KANK1: variants seen among roughly 807,000 people sequenced by gnomAD.
KANK1 encodes the protein KN motif and ankyrin repeat domain-containing protein 1.
A neutral mutation model predicts 106.2 loss-of-function variants in KANK1; 109 were observed. The ratio of observed to expected loss-of-function variants is 1.03; its 90% confidence interval spans 0.88 to 1.20. The LOEUF (loss-of-function observed/expected upper bound fraction) is 1.20, where lower values mean the gene tolerates loss of function less well. KANK1 is among the 50% of genes most tolerant of loss of function. The pLI is 0.00. For synonymous variants in KANK1, 873 were observed against 652.2 expected (o/e 1.34, Z -5.16); for missense variants, 2,399 against 1,710.7 (o/e 1.40, Z -7.10).
At chr9:741,518 C>CCAGG (rs1835511720) in intron 9 of KANK1, among the ~76,000 whole-genome samples, 1 of 139,244 alleles carries the variant, frequency 7.2e-6, no homozygotes, top group South Asian at 2.4e-4. Context: ...GACTAAGTCT[C>CCAGG]ATTCTGTCAC....
rs1002977442 is a variant in KANK1 at position 684,419 on chromosome 9, C to G, written c.37+7410C>G. ...CAAGAAAGAAAGAAAAAAACACATA[C>G]AAAATAAACACCCAACAGGGAGATT... On this transcript the variant is annotated intron_variant, in intron 2 of 11. Coordinates refer to ENST00000382297, the MANE Select transcript of KANK1 (RefSeq NM_015158.5). 11 of 985,224 alleles carry G rather than the reference C, an allele frequency of 1.1e-5. No individual in the cohort carries two copies. The African/African-American group carries it at 1.9e-4, about 17-fold the overall frequency. The allele number at this position is 985,224 out of a possible 1,614,324, so 61.0% of individuals were successfully genotyped here.
At chr9:505,710 C>A (rs929652063) in intron 1 of KANK1, among the ~76,000 whole-genome samples, 2 of 152,212 alleles carry the variant, frequency 1.3e-5, no homozygotes, top group Admixed American at 1.3e-4. Flanking sequence ...GCTTTCCGCA[C>A]GTGGCCTCTG....
chr9:546,157 G>C (rs548194940), intron 1 of KANK1, among the ~76,000 whole-genome samples: 9 of 152,238 alleles, frequency 5.9e-5, no homozygotes, highest in African/African-American at 1.9e-4. Context: ...TGCCACCTTA[G>C]CTGGGTGCAC....
chr9:608,583 GCT>G (rs1359702783), intron 1 of KANK1, among the ~76,000 whole-genome samples: 2 of 149,286 alleles, frequency 1.3e-5, no homozygotes, highest in African/African-American at 2.6e-5. Flanking sequence ...ACAAGAGTGG[GCT>G]CTCTCTCTAG....
At chr9:656,868 C>G (rs918111883) in intron 1 of KANK1, among the ~76,000 whole-genome samples, 1 of 149,854 alleles carries the variant, frequency 6.7e-6, no homozygotes, top group African/African-American at 2.4e-5. Context: ...AATGCTACTT[C>G]TACTTTTTTC....
At chr9:532,184 G>C (rs2060086877) in intron 1 of KANK1, among the ~76,000 whole-genome samples, 1 of 151,644 alleles carries the variant, frequency 6.6e-6, no homozygotes, top group African/African-American at 2.4e-5. Flanking sequence ...GATTTAAAAG[G>C]AGTTTGAGAG....
At chr9:508,307 T>C (rs1224322191) in intron 1 of KANK1, among the ~76,000 whole-genome samples, 1 of 151,748 alleles carries the variant, frequency 6.6e-6, no homozygotes, top group Admixed American at 6.6e-5. Flanking sequence ...CCGGCTAATT[T>C]TGTATGTTTA....
chr9:529,200 C>T (rs1335917784), intron 1 of KANK1, among the ~76,000 whole-genome samples: 1 of 151,862 alleles, frequency 6.6e-6, no homozygotes, highest in Admixed American at 6.6e-5. Flanking sequence ...GGTATTCCTC[C>T]TTCCAGAGAT....
intron 1 of KANK1, among the ~76,000 whole-genome samples, chr9:519,970 A>T (rs2059471150): frequency 1.3e-5 from 2 of 151,782 alleles, no homozygotes. Context: ...CAGTGACTTA[A>T]AACAATACAT....
chr9:527,850 C>T (rs2059866053), intron 1 of KANK1, among the ~76,000 whole-genome samples: 4 of 151,124 alleles, frequency 2.6e-5, no homozygotes, highest in Non-Finnish European at 5.9e-5. Flanking sequence ...CCTCACTTCT[C>T]TTTAAAAGTT....
At chr9:739,888 C>T (rs552068930) in intron 8 of KANK1, among the ~76,000 whole-genome samples, 4 of 152,022 alleles carry the variant, frequency 2.6e-5, no homozygotes, top group Non-Finnish European at 4.4e-5. Flanking sequence ...AGCCCCGAAG[C>T]GCACACGAAT....
chr9:516,207 G>T (rs1394882630), intron 1 of KANK1, among the ~76,000 whole-genome samples: 1 of 151,592 alleles, frequency 6.6e-6, no homozygotes, highest in Non-Finnish European at 1.5e-5. Flanking sequence ...GGTTTTTGGA[G>T]AATTCAGGCT....
Position 694,675 on chromosome 9 carries a change from C to T in KANK1, c.38-16129C>T, listed in dbSNP as rs576383230. 6.6e-5 allele frequency among the ~76,000 whole-genome samples: 10 copies of T among 152,262 alleles called. 1 individual carries two copies. Among genetic ancestry groups the T allele is most frequent in the Middle Eastern group, 6.8e-3 (2 of 294 alleles). On this transcript the variant is annotated intron_variant, in intron 2 of 11. Transcript: ENST00000382297. ...CAATGTGCCCTTTATTAAGACAGGC[C>T]GTTCCACTACTGAGAATAGTAACCC...
At chr9:537,942 C>T (rs2060388084) in intron 1 of KANK1, among the ~76,000 whole-genome samples, 1 of 152,190 alleles carries the variant, frequency 6.6e-6, no homozygotes, top group Non-Finnish European at 1.5e-5. Flanking sequence ...TAGGGTCCAT[C>T]CTTTTATTTT....
chr9:479,728 C>T (rs571871165), intron 3 of KANK1, among the ~76,000 whole-genome samples: 1 of 152,284 alleles, frequency 6.6e-6, no homozygotes, highest in Admixed American at 6.5e-5. Flanking sequence ...AATGGGGTTC[C>T]ATTTCCCACA....
intron 9 of KANK1, among the ~76,000 whole-genome samples, chr9:741,799 TAAG>T (rs1312280887): frequency 1.3e-5 from 2 of 151,912 alleles, no homozygotes; most frequent in Non-Finnish European, 2.9e-5. Context: ...GGCTTTTTTT[TAAG>T]TAGAGATGGG....
intron 3 of KANK1, among the ~76,000 whole-genome samples, chr9:475,556 C>T (rs1299113379): frequency 2.0e-5 from 3 of 152,156 alleles, no homozygotes; most frequent in Non-Finnish European, 2.9e-5. Flanking sequence ...AAATTCCTAT[C>T]TAGGGGGTCT....
At chr9:636,836 G>T (rs1185310452) in intron 1 of KANK1, among the ~76,000 whole-genome samples, 1 of 152,168 alleles carries the variant, frequency 6.6e-6, no homozygotes, top group Non-Finnish European at 1.5e-5. Flanking sequence ...TTGGACTCCA[G>T]CCAGGCGACA....
chr9:499,177 CAA>C (rs199624864), intron 3 of KANK1, among the ~76,000 whole-genome samples: 14 of 117,910 alleles, frequency 1.2e-4, no homozygotes, highest in Non-Finnish European at 1.6e-4. Context: ...GACTCTGTCT[CAA>C]AAAAAAAAAA....
Sources: allele counts gnomAD v4.1 joint callset (sites outside exome capture counted in the v4.1 genomes callset), GRCh38; gene constraint gnomAD v4.1.1; transcripts MANE v1.5; gene names NCBI Gene and HGNC (gene_info 2026-07-23, HGNC 2026-07-21).